Variants in DOCK2 observed in about 807,000 individuals in gnomAD.
The protein encoded by DOCK2 is dedicator of cytokinesis protein 2.
Under a neutral mutation model 248.9 loss-of-function variants are expected in DOCK2, and 87 were observed. That is an observed-to-expected ratio of 0.35 (90% CI 0.29 to 0.42). The LOEUF is 0.42. DOCK2 is among the 10% of genes least tolerant of loss of function. DOCK2 has a pLI of 1.00. For missense variants in DOCK2, 1,747 were observed against 2,300.2 expected (o/e 0.76, Z 4.92); for synonymous variants, 805 against 821.6 (o/e 0.98, Z 0.35).
intron 27 of DOCK2, among the ~76,000 whole-genome samples, chr5:169,861,267 A>G (rs1771180348): frequency 6.6e-6 from 1 of 152,240 alleles, no homozygotes; most frequent in African/African-American, 2.4e-5. Flanking sequence ...ACATTTTATA[A>G]CTGAAATCAA....
intron 26 of DOCK2, among the ~76,000 whole-genome samples, chr5:169,811,712 C>T (rs902174767): frequency 2.6e-5 from 4 of 152,172 alleles, no homozygotes; most frequent in African/African-American, 7.2e-5. Flanking sequence ...GTTTCTGGTG[C>T]CAAAGTGGCA....
intron 26 of DOCK2, among the ~76,000 whole-genome samples, chr5:169,812,291 C>T (rs1453973846): frequency 1.3e-5 from 2 of 152,338 alleles, no homozygotes; most frequent in East Asian, 1.9e-4. Flanking sequence ...GTCTAGGGTG[C>T]ATGCTCCTTA....
intron 22 of DOCK2, among the ~76,000 whole-genome samples, chr5:169,742,001 A>G (rs1763337359): frequency 6.6e-6 from 1 of 151,852 alleles, no homozygotes; most frequent in Non-Finnish European, 1.5e-5. Context: ...TTTTTATAGT[A>G]GAGATGGAGT....
At chr5:169,652,027 C>T (rs1022065634) in intron 1 of DOCK2, among the ~76,000 whole-genome samples, 3 of 152,166 alleles carry the variant, frequency 2.0e-5, no homozygotes, top group East Asian at 3.8e-4. Flanking sequence ...TAAGTCAAGT[C>T]GTGTATGGGC....
chr5:169,716,415 T>G, intron 20 of DOCK2, 113 bp downstream of exon 20: 1 of 1,016,098 alleles, frequency 9.8e-7, no homozygotes, highest in Admixed American at 2.2e-5. Context: ...TCATGAATTC[T>G]TTGGAGGTGT....
chr5:169,703,929 A>G (rs1761112810), intron 14 of DOCK2: 1 of 152,218 alleles, frequency 6.6e-6, no homozygotes, highest in African/African-American at 2.4e-5. Context: ...CTTACCTTCC[A>G]TGTTGCCAAA....
chr5:169,740,800 G>A (rs544484013), intron 22 of DOCK2, among the ~76,000 whole-genome samples: 1 of 152,246 alleles, frequency 6.6e-6, no homozygotes, highest in East Asian at 1.9e-4. Context: ...TTACCCTTTA[G>A]AGGAGAATTT....
chr5:169,803,064 G>A lies in DOCK2; in HGVS notation c.2561G>A (p.Arg854Gln), dbSNP rs752262388. 6 of 1,614,046 alleles carry A rather than the reference G, an allele frequency of 3.7e-6. No homozygotes were observed. The highest frequency in any genetic ancestry group is 1.7e-5 in the Admixed American group (1 of 59,988). ...QSNLFKKQECRDILLPVITKE... is the reference protein window; with the variant it reads ...QSNLFKKQECQDILLPVITKE... ...TGAACTGTCTTTATTCCAGAATGCC[G>A]GGACATTCTGCTTCCTGTCATCACC... The change falls in exon 26 of 52, where the codon CGG (arginine) becomes CAG (glutamine). Residue 854 changes from arginine to glutamine, a missense_variant. By Grantham distance (43) the Arg-to-Gln change is conservative (BLOSUM62 1). Around this residue, in one of 4 missense-constraint regions of DOCK2, gnomAD observed 858 missense variants for 1,183.5 expected, o/e 0.72. Coordinates refer to ENST00000520908, the MANE Select transcript of DOCK2 (RefSeq NM_004946.3).
intron 27 of DOCK2, among the ~76,000 whole-genome samples, chr5:169,849,973 A>G (rs1191217202): frequency 6.6e-6 from 1 of 152,220 alleles, no homozygotes; most frequent in East Asian, 1.9e-4. Context: ...TTATTTCCAC[A>G]CAAACCATCA....
At chr5:169,662,130 C>T (rs1361106732) in intron 2 of DOCK2, among the ~76,000 whole-genome samples, 2 of 152,126 alleles carry the variant, frequency 1.3e-5, no homozygotes, top group East Asian at 3.9e-4. Flanking sequence ...TTTGTTATCT[C>T]TTGACTTTTT....
chr5:169,689,159 G>T, intron 8 of DOCK2, 93 bp from the exon 9 acceptor site: 1 of 1,192,856 alleles, frequency 8.4e-7, no homozygotes, highest in Non-Finnish European at 1.2e-6. Flanking sequence ...AGCCAGTATG[G>T]TGTTGGGCAC....
At chr5:169,793,558 A>G (rs994901219) in intron 25 of DOCK2, among the ~76,000 whole-genome samples, 2 of 152,174 alleles carry the variant, frequency 1.3e-5, no homozygotes, top group Non-Finnish European at 2.9e-5. Context: ...GTAGACAGTC[A>G]GGGTGCAATA....
At chr5:169,871,694 A>T (rs1771984486) in intron 27 of DOCK2, among the ~76,000 whole-genome samples, 1 of 152,168 alleles carries the variant, frequency 6.6e-6, no homozygotes, top group African/African-American at 2.4e-5. Context: ...ATTGCAAAAT[A>T]TGTAGGGTGG....
chr5:169,709,714 CCTT>C (rs1220015929), intron 15 of DOCK2, among the ~76,000 whole-genome samples: 11 of 151,816 alleles, frequency 7.2e-5, no homozygotes, highest in African/African-American at 2.4e-4. Context: ...GTGCGAGACT[CCTT>C]CTCAGAAAAA....
chr5:170,070,788 CTG>C (rs1251593925), intron 46 of DOCK2, among the ~76,000 whole-genome samples: 1 of 152,230 alleles, frequency 6.6e-6, no homozygotes, highest in Non-Finnish European at 1.5e-5. Flanking sequence ...CTTCTCCATG[CTG>C]TGTTTACTGT....
intron 30 of DOCK2, among the ~76,000 whole-genome samples, chr5:169,997,600 A>G (rs1390475844): frequency 1.4e-5 from 2 of 146,008 alleles, no homozygotes; most frequent in Admixed American, 1.4e-4. Context: ...GATGACTCTT[A>G]AGGAGCATGC....
intron 25 of DOCK2, among the ~76,000 whole-genome samples, chr5:169,786,450 A>AT (rs1211416934): frequency 6.6e-6 from 1 of 152,146 alleles, no homozygotes; most frequent in Non-Finnish European, 1.5e-5. Context: ...TGGTTTTAAT[A>AT]TTTAATGAGA....
chr5:169,932,101 G>A (rs1775782219), intron 27 of DOCK2, among the ~76,000 whole-genome samples: 1 of 152,156 alleles, frequency 6.6e-6, no homozygotes, highest in African/African-American at 2.4e-5. Flanking sequence ...ATCCAGTGGC[G>A]ATAACTGCTA....
intron 25 of DOCK2, among the ~76,000 whole-genome samples, chr5:169,799,000 T>G (rs976847075): frequency 2.6e-5 from 4 of 152,234 alleles, no homozygotes; most frequent in African/African-American, 9.6e-5. Context: ...TCTTACTACC[T>G]TGCTTCAAGA....
Sources: gnomAD v4.1 joint callset for allele counts (sites outside exome capture counted in the v4.1 genomes callset) on GRCh38, gnomAD v4.1.1 for gene constraint, gnomAD v4.1.1 regional missense constraint, MANE v1.5 for transcripts, NCBI Gene and HGNC (gene_info 2026-07-23, HGNC 2026-07-21) for gene names.